The following CRTC1 variants were observed in gnomAD, a reference collection of about 807,000 sequenced individuals.
The protein encoded by CRTC1 is CREB regulated transcription coactivator 1.
Under a neutral mutation model 66.1 loss-of-function variants are expected in CRTC1, and 18 were observed. The ratio of observed to expected loss-of-function variants is 0.27; its 90% CI spans 0.19 to 0.40. The LOEUF (loss-of-function observed/expected upper bound fraction) is 0.40. CRTC1 is among the 10% of genes least tolerant of loss of function. The probability of loss-of-function intolerance (pLI) is 1.00; values close to 1 mark genes in which losing one functional copy is unlikely to be tolerated. For synonymous variants in CRTC1, 416 were observed against 398.8 expected (o/e 1.04, Z -0.51); for missense variants, 669 against 887.9 (o/e 0.75, Z 3.13).
chr19:18,708,846 C>T (rs2053324939), intron 1 of CRTC1, among the ~76,000 whole-genome samples: 1 of 152,142 alleles, frequency 6.6e-6, no homozygotes, highest in Non-Finnish European at 1.5e-5. Context: ...GGTTTCCTGC[C>T]CCTACTCAGC....
chr19:18,733,645 T>G (rs1300708294), intron 1 of CRTC1, among the ~76,000 whole-genome samples: 1 of 152,216 alleles, frequency 6.6e-6, no homozygotes, highest in Admixed American at 6.5e-5. Flanking sequence ...TGAGGAACTC[T>G]GGTGGACCAG....
intron 1 of CRTC1, among the ~76,000 whole-genome samples, chr19:18,700,768 G>A (rs1244172200): frequency 1.3e-5 from 2 of 152,196 alleles, no homozygotes; most frequent in Non-Finnish European, 2.9e-5. Flanking sequence ...GGCCGAGCGT[G>A]TCCGCAAAGA....
At chr19:18,737,281 G>A (rs2054018664) in intron 1 of CRTC1, among the ~76,000 whole-genome samples, 1 of 151,916 alleles carries the variant, frequency 6.6e-6, no homozygotes, top group Non-Finnish European at 1.5e-5. Context: ...CTTTGTGTGA[G>A]GGGGTCCCGG....
At chr19:18,731,103 T>C (rs2053878857) in intron 1 of CRTC1, among the ~76,000 whole-genome samples, 1 of 152,182 alleles carries the variant, frequency 6.6e-6, no homozygotes, top group African/African-American at 2.4e-5. Flanking sequence ...CTGCCTCCCG[T>C]GTTGCTGGGA....
At chr19:18,774,776 A>G (rs1601021724) in intron 11 of CRTC1, 124 bp from the exon 12 acceptor site, 1 of 843,318 alleles carries the variant, frequency 1.2e-6, no homozygotes, top group South Asian at 1.5e-5. Context: ...AATAAGCATC[A>G]TCATCAGCCT....
At chr19:18,743,821 G>A (rs560745995) in intron 2 of CRTC1, among the ~76,000 whole-genome samples, 2 of 152,228 alleles carry the variant, frequency 1.3e-5, no homozygotes, top group African/African-American at 2.4e-5. Flanking sequence ...TACAGAGTGC[G>A]GGCCATCACT....
At chr19:18,756,038 A>T (rs945352431) in intron 6 of CRTC1, among the ~76,000 whole-genome samples, 20 of 152,110 alleles carry the variant, frequency 1.3e-4, no homozygotes, top group African/African-American at 4.8e-4. Context: ...AAAAAACTTT[A>T]AAAAAGAACC....
At chr19:18,754,582 G>A (rs1303508242) in intron 6 of CRTC1, among the ~76,000 whole-genome samples, 2 of 152,224 alleles carry the variant, frequency 1.3e-5, no homozygotes, top group Non-Finnish European at 2.9e-5. Flanking sequence ...GTTGAGGAAT[G>A]AATAAGGAAC....
intron 1 of CRTC1, among the ~76,000 whole-genome samples, chr19:18,721,295 G>A (rs868059918): frequency 6.6e-6 from 1 of 150,840 alleles, no homozygotes; most frequent in Non-Finnish European, 1.5e-5. Flanking sequence ...CTGGGTTCAC[G>A]CCATTCTCCT....
At chr19:18,703,502 A>C (rs2053194969) in intron 1 of CRTC1, among the ~76,000 whole-genome samples, 1 of 152,116 alleles carries the variant, frequency 6.6e-6, no homozygotes, top group African/African-American at 2.4e-5. Flanking sequence ...TCTGTCGCCT[A>C]GGCTGGAGTG....
At chr19:18,753,180 G>A (rs1469148628) in intron 5 of CRTC1, among the ~76,000 whole-genome samples, 3 of 152,032 alleles carry the variant, frequency 2.0e-5, no homozygotes, top group African/African-American at 7.2e-5. Context: ...GGAGGCTGAG[G>A]CAGGAGAATG....
intron 1 of CRTC1, among the ~76,000 whole-genome samples, chr19:18,726,929 G>GAAAAA (rs57708407): frequency 1.8e-5 from 2 of 111,904 alleles, no homozygotes; most frequent in African/African-American, 3.6e-5. Flanking sequence ...CCGTCTTGGG[G>GAAAAA]AAAAAAAAAA....
In CRTC1 at chr19:18,777,934, TA is replaced by T. The variant is rs1326552853; in HGVS notation, c.*555del. ...AGCGCGGGGCAGACGCAAAGTGAAA[TA>T]AACACTATTTTGACGGCTGTCTTTT... On this transcript the variant is annotated 3_prime_UTR_variant, in exon 14 of 14. Transcript: ENST00000321949. The surrounding 1 kb of genome is among the most constrained non-coding windows in gnomAD (Gnocchi z 5.5). The T allele has an allele frequency of 7.9e-6, 2 of 252,226 alleles. No individual in the cohort carries two copies. Among genetic ancestry groups the T allele is most frequent in the East Asian group, 1.2e-4 (2 of 16,614 alleles). The allele number at this position is 252,226 out of a possible 1,614,324, so 15.6% of individuals were successfully genotyped here. A position where few individuals can be genotyped will look rare whatever the true frequency, so the allele number is the denominator to read the frequency against.
intron 1 of CRTC1, among the ~76,000 whole-genome samples, chr19:18,703,642 T>C (rs1372019615): frequency 1.3e-5 from 2 of 152,020 alleles, no homozygotes; most frequent in Non-Finnish European, 2.9e-5. Flanking sequence ...TTTGCGTTTT[T>C]AGTAGAGATG....
At chr19:18,759,365 C>T (rs1176978565) in intron 6 of CRTC1, among the ~76,000 whole-genome samples, 186 bp from the exon 7 acceptor site, 2 of 152,232 alleles carry the variant, frequency 1.3e-5, no homozygotes, top group African/African-American at 2.4e-5. Flanking sequence ...TGGGGCCCGC[C>T]CCTCCACCCT....
rs376801760 is a variant in CRTC1 at position 18,767,586 on chromosome 19, C to T, written c.1012-899C>T. ...CCTTGGTACCTGGCAATGCCCGGCCCGGACTCCATTTCTCCCCGCCCCTCG... is the reference window on the plus strand; with the variant it reads ...CCTTGGTACCTGGCAATGCCCGGCCTGGACTCCATTTCTCCCCGCCCCTCG... On this transcript the variant is annotated intron_variant, in intron 9 of 13. Coordinates refer to ENST00000321949, the MANE Select transcript of CRTC1 (RefSeq NM_015321.3). Among the ~76,000 whole-genome samples, 7 of 152,316 alleles carry T rather than the reference C, an allele frequency of 4.6e-5. No individual in the cohort carries two copies. The South Asian group carries it at 8.3e-4, about 18-fold the overall frequency.
At chr19:18,687,497 G>A (rs1447899699) in intron 1 of CRTC1, among the ~76,000 whole-genome samples, 4 of 152,206 alleles carry the variant, frequency 2.6e-5, no homozygotes, top group Non-Finnish European at 5.9e-5. Flanking sequence ...CCACTGCACA[G>A]TCCAAGTGGC....
At chr19:18,766,968 G>A (rs1277101206) in intron 9 of CRTC1, among the ~76,000 whole-genome samples, 1 of 152,072 alleles carries the variant, frequency 6.6e-6, no homozygotes, top group Non-Finnish European at 1.5e-5. Context: ...GTAGTCCCAG[G>A]TTTGGTAAAA....
intron 1 of CRTC1, among the ~76,000 whole-genome samples, chr19:18,690,692 G>T (rs1217300957): frequency 6.6e-6 from 1 of 151,972 alleles, no homozygotes; most frequent in Non-Finnish European, 1.5e-5. Context: ...AGATCATCCT[G>T]GGGGGGTGGC....
Sources: allele counts gnomAD v4.1 joint callset (sites outside exome capture counted in the v4.1 genomes callset), GRCh38; gene constraint gnomAD v4.1.1; non-coding constraint Gnocchi (gnomAD v3.1); transcripts MANE v1.5; gene names NCBI Gene and HGNC (gene_info 2026-07-23, HGNC 2026-07-21).